RAPGEF6: variants seen among roughly 807,000 people sequenced by gnomAD.
RAPGEF6 encodes the protein PDZ domain containing guanine nucleotide exchange factor (GEF) 2.
RAPGEF6 carries 56 observed loss-of-function variants against 171.4 expected under a neutral mutation model. The observed-to-expected ratio is 0.33, with a 90% CI of 0.26 to 0.41. The LOEUF (loss-of-function observed/expected upper bound fraction) is 0.41. RAPGEF6 is among the 10% of genes least tolerant of loss of function. The pLI is 1.00. For synonymous variants in RAPGEF6, 692 were observed against 650.1 expected, an observed-to-expected ratio of 1.06 and a Z score of -0.98; for missense variants, 1,674 against 1,921.4, an observed-to-expected ratio of 0.87 and a Z score of 2.41.
intron 27 of RAPGEF6, among the ~76,000 whole-genome samples, chr5:131,427,537 T>G (rs1751449173): frequency 1.3e-5 from 2 of 152,198 alleles, no homozygotes; most frequent in South Asian, 4.1e-4. Context: ...TCATTTATTT[T>G]CAATAAAACA....
At chr5:131,445,024 A>G (rs906386885) in intron 22 of RAPGEF6, among the ~76,000 whole-genome samples, 2 of 152,218 alleles carry the variant, frequency 1.3e-5, no homozygotes, top group African/African-American at 4.8e-5. Context: ...TCCAAATTTA[A>G]TAACTTCGAC....
Position 131,503,606 on chromosome 5 carries a change from C to A in RAPGEF6, c.1254+1020G>T, listed in dbSNP as rs536279159. Among the ~76,000 whole-genome samples the A allele has an allele frequency of 2.6e-5, 4 of 152,330 alleles. No homozygotes were observed. In the East Asian group the frequency reaches 5.8e-4, roughly 22 times the overall value. ...TAACTCCCTCATATTATTAAGTAAA[C>A]TGCTTCATCTGCAATTAATAGTGGC... On this transcript the variant is annotated intron_variant, in intron 11 of 27. Coordinates refer to ENST00000509018, the MANE Select transcript of RAPGEF6 (RefSeq NM_016340.6).
chr5:131,496,928 G>GT (rs1756676046), intron 12 of RAPGEF6, among the ~76,000 whole-genome samples: 2 of 140,966 alleles, frequency 1.4e-5, no homozygotes, highest in Non-Finnish European at 3.1e-5. Flanking sequence ...TGCTCAAACT[G>GT]TTTTTTCCAC....
At chr5:131,532,219 A>C (rs1302126893) in intron 6 of RAPGEF6, 1 of 399,302 alleles carries the variant, frequency 2.5e-6, no homozygotes, top group Admixed American at 3.7e-5. Context: ...ACGGTGATAA[A>C]ATTCTGTTAA....
chr5:131,472,833 G>C, intron 16 of RAPGEF6, 89 bp from the exon 17 acceptor site: 1 of 1,131,786 alleles, frequency 8.8e-7, no homozygotes. Flanking sequence ...AGGCATAAAA[G>C]AACCAATTCA....
At chr5:131,507,581 A>G (rs753620348) in intron 9 of RAPGEF6, among the ~76,000 whole-genome samples, 2 of 152,156 alleles carry the variant, frequency 1.3e-5, no homozygotes, top group Non-Finnish European at 2.9e-5. Flanking sequence ...ATTTTTGAAC[A>G]TAGAATTGTC....
intron 1 of RAPGEF6, among the ~76,000 whole-genome samples, chr5:131,618,143 A>C (rs1302416201): frequency 6.6e-6 from 1 of 152,220 alleles, no homozygotes; most frequent in Non-Finnish European, 1.5e-5. Context: ...TCACATCAAA[A>C]GGACATAGGA....
At chr5:131,620,309 G>C (rs2150033169) in intron 1 of RAPGEF6, among the ~76,000 whole-genome samples, 1 of 152,124 alleles carries the variant, frequency 6.6e-6, no homozygotes, top group East Asian at 1.9e-4. Context: ...TCCCATATTT[G>C]TATTTCTAGC....
intron 1 of RAPGEF6, among the ~76,000 whole-genome samples, chr5:131,606,816 G>C (rs1165041204): frequency 6.6e-6 from 1 of 152,220 alleles, no homozygotes; most frequent in Non-Finnish European, 1.5e-5. Context: ...TAGGGAGGCA[G>C]AAAGGCCACA....
At position 131,603,146 on chromosome 5, in the gene RAPGEF6, A is replaced by G. The variant is rs141717092; in HGVS notation, c.197+125T>C. The G allele has an allele frequency of 1.5e-3, 1,126 of 729,248 alleles. 8 individuals carry two copies. The African/African-American group carries it at 0.018, about 11-fold the overall frequency. The allele number at this position is 729,248 out of a possible 1,614,324, so 45.2% of individuals were successfully genotyped here. On this transcript the variant is annotated intron_variant, in intron 3 of 27. Coordinates refer to ENST00000509018, the MANE Select transcript of RAPGEF6 (RefSeq NM_016340.6). Reference sequence around the variant, plus strand: ...GGATTCTATGTATGTTATATACTTCATGGTCTATGAATATTTTTCAGTGTG... The same window carrying G: ...GGATTCTATGTATGTTATATACTTCGTGGTCTATGAATATTTTTCAGTGTG...
At chr5:131,502,611 A>G (rs1027874283) in intron 11 of RAPGEF6, among the ~76,000 whole-genome samples, 5 of 152,182 alleles carry the variant, frequency 3.3e-5, no homozygotes, top group South Asian at 2.1e-4. Flanking sequence ...ATACTACAGG[A>G]TGTATGATCT....
At chr5:131,473,343 C>G (rs1056204396) in intron 16 of RAPGEF6, among the ~76,000 whole-genome samples, 3 of 152,126 alleles carry the variant, frequency 2.0e-5, no homozygotes, top group African/African-American at 7.2e-5. Context: ...TATTTAATCT[C>G]TCAAGTCTAA....
chr5:131,604,586 A>G (rs746065579), intron 2 of RAPGEF6, 37 bp downstream of exon 2: 1 of 1,599,540 alleles, frequency 6.3e-7, no homozygotes, highest in Admixed American at 1.7e-5. Context: ...ATGAATGGCT[A>G]TACAGCGTGT....
At chr5:131,562,298 C>T (rs544562830) in intron 4 of RAPGEF6, among the ~76,000 whole-genome samples, 1 of 152,052 alleles carries the variant, frequency 6.6e-6, no homozygotes, top group African/African-American at 2.4e-5. Context: ...TAACTAGTCC[C>T]TAAAATTAAT....
rs115586072 is a variant in RAPGEF6 at position 131,550,025 on chromosome 5, A to G, written c.352-1835T>C. Among the ~76,000 whole-genome samples, 779 of 152,296 alleles carry G rather than the reference A, an allele frequency of 5.1e-3. 4 individuals carry two copies. Among genetic ancestry groups the G allele is most frequent in the African/African-American group, 0.017 (714 of 41,544 alleles). On this transcript the variant is annotated intron_variant, in intron 5 of 27. Coordinates refer to ENST00000509018, the MANE Select transcript of RAPGEF6 (RefSeq NM_016340.6). ...GGGGTGTGGGAGACTACTGTATCATATCAACATTCTCAGCACCCCTGCTTG... is the reference window on the plus strand; with the variant it reads ...GGGGTGTGGGAGACTACTGTATCATGTCAACATTCTCAGCACCCCTGCTTG...
At chr5:131,451,100 T>C (rs1452116861) in intron 21 of RAPGEF6, among the ~76,000 whole-genome samples, 1 of 152,188 alleles carries the variant, frequency 6.6e-6, no homozygotes, top group Admixed American at 6.5e-5. Context: ...CCTTCTTTGC[T>C]TTGGTACCTA....
At chr5:131,449,065 A>G (rs930151969) in intron 21 of RAPGEF6, among the ~76,000 whole-genome samples, 4 of 152,194 alleles carry the variant, frequency 2.6e-5, no homozygotes, top group South Asian at 2.1e-4. Context: ...TTCTTCTTAC[A>G]TGTAATAAAA....
chr5:131,435,150 A>T (rs1751936939), intron 24 of RAPGEF6, among the ~76,000 whole-genome samples: 1 of 152,214 alleles, frequency 6.6e-6, no homozygotes, highest in South Asian at 2.1e-4. Flanking sequence ...GTTGCACAGT[A>T]ATCTTATTAA....
chr5:131,528,076 TTTATA>T (rs1452862497), intron 6 of RAPGEF6, among the ~76,000 whole-genome samples: 1 of 75,486 alleles, frequency 1.3e-5, no homozygotes, highest in African/African-American at 3.9e-5. Flanking sequence ...AAATTTATAA[TTTATA>T]TTATATGTAA....
Sources: allele counts gnomAD v4.1 joint callset (sites outside exome capture counted in the v4.1 genomes callset), GRCh38; gene constraint gnomAD v4.1.1; transcripts MANE v1.5; gene names NCBI Gene and HGNC (gene_info 2026-07-23, HGNC 2026-07-21).